The following NELL2 variants were observed in gnomAD, a reference collection of about 807,000 sequenced individuals.
NELL2 encodes protein kinase C-binding protein NELL2.
A neutral mutation model predicts 109.6 loss-of-function variants in NELL2; 41 were observed. That is an observed-to-expected ratio of 0.37 (90% CI 0.29 to 0.49). The LOEUF (loss-of-function observed/expected upper bound fraction) is 0.49. Ranked by LOEUF, NELL2 falls within the 20% of genes least tolerant of loss-of-function variation. The probability of loss-of-function intolerance (pLI) is 0.98; values close to 1 mark genes in which losing one functional copy is unlikely to be tolerated. For synonymous variants in NELL2, 355 were observed against 344.7 expected (o/e 1.03, Z -0.33); for missense variants, 900 against 1,008.3 (o/e 0.89, Z 1.45).
chr12:44,587,267 G>A (rs1269660478), intron 15 of NELL2, among the ~76,000 whole-genome samples: 4 of 10,226 alleles, frequency 3.9e-4, no homozygotes, highest in Non-Finnish European at 5.1e-4. Flanking sequence ...GCAAGACTCC[G>A]TCTCAAAAAA....
intron 3 of NELL2, among the ~76,000 whole-genome samples, chr12:44,786,823 C>A (rs186421006): frequency 3.0e-3 from 456 of 152,130 alleles, no homozygotes; most frequent in Middle Eastern, 0.024. Flanking sequence ...GGGAGTTGAA[C>A]AATGAGAACA....
At chr12:44,575,161 C>T (rs562634031) in intron 15 of NELL2, among the ~76,000 whole-genome samples, 64 of 152,242 alleles carry the variant, frequency 4.2e-4, no homozygotes, top group Non-Finnish European at 7.9e-4. Context: ...ACATAGTAGT[C>T]AGTAAAGCAA....
chr12:44,786,926 G>A (rs1045265311), intron 3 of NELL2, among the ~76,000 whole-genome samples: 86 of 151,940 alleles, frequency 5.7e-4, no homozygotes, highest in African/African-American at 2.1e-3. Context: ...CCTAATGCAT[G>A]CGGGGCTTAA....
rs202051357 is a variant in NELL2, at chr12:44,522,216, A to G, written c.1999-40T>C. ...AAAAAAGCAGTTACCAAAAACCTCC[A>G]TTTCTCAGTAACACGCACACACACA... On this transcript the variant is annotated intron_variant, in intron 17 of 19. Transcript: ENST00000429094. 109 of 1,589,714 alleles carry G rather than the reference A, an allele frequency of 6.9e-5. No homozygotes were observed. The African/African-American group carries it at 1.4e-3, about 20-fold the overall frequency.
chr12:44,779,523 T>C, intron 5 of NELL2, 140 bp downstream of exon 5: 1 of 671,782 alleles, frequency 1.5e-6, no homozygotes, highest in Non-Finnish European at 2.5e-6. Flanking sequence ...AATATTACTG[T>C]TTAAAAAAAT....
chr12:44,921,452 T>C (rs1945867421), intron 1 of NELL2, among the ~76,000 whole-genome samples: 1 of 152,024 alleles, frequency 6.6e-6, no homozygotes, highest in African/African-American at 2.4e-5. Flanking sequence ...GGTCAGAGAG[T>C]GGGCCCCAAA....
At chr12:44,518,129 T>G (rs1176897104) in intron 19 of NELL2, among the ~76,000 whole-genome samples, 1 of 152,198 alleles carries the variant, frequency 6.6e-6, no homozygotes, top group African/African-American at 2.4e-5. Context: ...AGTACTTATC[T>G]GACAGAAAGA....
At chr12:44,531,093 A>G (rs1942032587) in intron 16 of NELL2, among the ~76,000 whole-genome samples, 1 of 152,246 alleles carries the variant, frequency 6.6e-6, no homozygotes, top group African/African-American at 2.4e-5. Flanking sequence ...ACTCACATCC[A>G]GATGCACAGA....
intron 15 of NELL2, among the ~76,000 whole-genome samples, chr12:44,601,439 A>G (rs1592188395): frequency 6.6e-6 from 1 of 152,326 alleles, no homozygotes; most frequent in East Asian, 1.9e-4. Context: ...AAATAAAGCA[A>G]TTTTAAGCAA....
chr12:44,712,761 G>C (rs1704040647), intron 10 of NELL2, among the ~76,000 whole-genome samples: 1 of 151,934 alleles, frequency 6.6e-6, no homozygotes, highest in African/African-American at 2.4e-5. Flanking sequence ...TGCAAAGTAT[G>C]CAAGAGAGTT....
intron 3 of NELL2, among the ~76,000 whole-genome samples, chr12:44,808,792 GA>G (rs1490929991): frequency 6.6e-6 from 1 of 151,916 alleles, no homozygotes; most frequent in African/African-American, 2.4e-5. Context: ...TCACAAACAT[GA>G]AGACACATTT....
chr12:44,834,889 G>A lies in NELL2; in HGVS notation c.185-18753C>T, dbSNP rs190788947. Among the ~76,000 whole-genome samples, 57 of 152,070 alleles carry A rather than the reference G, an allele frequency of 3.7e-4. 1 individual carries two copies. In the South Asian group the frequency reaches 5.6e-3, roughly 15 times the overall value. On this transcript the variant is annotated intron_variant, in intron 2 of 19. Transcript: ENST00000429094. ...GCTGGACACGCGGGCAGTCCTTGTC[G>A]TGTTGCCAGGAGAAGGCTTTCTGTG...
chr12:44,541,614 C>T (rs1184752423), intron 15 of NELL2, among the ~76,000 whole-genome samples: 1 of 152,098 alleles, frequency 6.6e-6, no homozygotes. Context: ...ACCAAGAACA[C>T]ATACACAAAA....
At chr12:44,720,925 A>T (rs1331160374) in intron 9 of NELL2, among the ~76,000 whole-genome samples, 1 of 152,206 alleles carries the variant, frequency 6.6e-6, no homozygotes, top group Non-Finnish European at 1.5e-5. Context: ...TCAGTAGCTT[A>T]TTCTTCCAAA....
chr12:44,553,213 T>C (rs1424871365), intron 15 of NELL2, among the ~76,000 whole-genome samples: 2 of 149,472 alleles, frequency 1.3e-5, no homozygotes, highest in African/African-American at 2.5e-5. Context: ...GGCACATGTA[T>C]ACATATGTAA....
chr12:44,909,738 CACAG>C, intron 1 of NELL2, among the ~76,000 whole-genome samples: 1 of 141,744 alleles, frequency 7.1e-6, no homozygotes, highest in Non-Finnish European at 1.5e-5. Flanking sequence ...GACACACAGA[CACAG>C]ACACACACAC....
upstream of NELL2, among the ~76,000 whole-genome samples, chr12:44,879,872 C>T (rs1425628599): frequency 1.3e-5 from 2 of 150,576 alleles, no homozygotes; most frequent in African/African-American, 2.5e-5. Flanking sequence ...TCAAGCTTTG[C>T]CACTTGCAGG....
intron 9 of NELL2, among the ~76,000 whole-genome samples, chr12:44,750,237 T>C (rs1307004443): frequency 3.9e-5 from 6 of 152,192 alleles, no homozygotes; most frequent in African/African-American, 1.4e-4. Flanking sequence ...AGGGGAAGTA[T>C]GTTTCTTTAT....
chr12:44,523,656 G>A (rs1941639985), intron 16 of NELL2, 172 bp from the exon 17 acceptor site: 1 of 594,400 alleles, frequency 1.7e-6, no homozygotes, highest in African/African-American at 1.9e-5. Flanking sequence ...ATGATCTGGG[G>A]ATTTCACAGG....
Sources: allele counts gnomAD v4.1 joint callset (sites outside exome capture counted in the v4.1 genomes callset), GRCh38; gene constraint gnomAD v4.1.1; transcripts MANE v1.5; gene names NCBI Gene and HGNC (gene_info 2026-07-23, HGNC 2026-07-21).